Variants in PIGU observed in about 807,000 individuals in gnomAD.
The protein encoded by PIGU is phosphatidylinositol glycan anchor biosynthesis class U.
In PIGU, 24 loss-of-function variants were observed where a neutral mutation model predicts 49.9. The observed-to-expected ratio is 0.48, with a 90% CI of 0.35 to 0.68. The LOEUF (loss-of-function observed/expected upper bound fraction) is 0.68. Among genes scored for constraint, PIGU ranks in the 30% least tolerant of loss-of-function variants. The probability of loss-of-function intolerance (pLI) is 0.01; values close to 1 mark genes in which losing one functional copy is unlikely to be tolerated. For synonymous variants in PIGU, 220 were observed against 205.7 expected (o/e 1.07, Z -0.59); for missense variants, 490 against 532.6 (o/e 0.92, Z 0.79).
chr20:34,572,874 C>T (rs1440835616), intron 11 of PIGU, among the ~76,000 whole-genome samples: 3 of 152,192 alleles, frequency 2.0e-5, no homozygotes, highest in Non-Finnish European at 4.4e-5. Flanking sequence ...TCTTTATGTA[C>T]CTGTGTCTAT....
intron 1 of PIGU, among the ~76,000 whole-genome samples, chr20:34,661,100 T>C (rs1211934954): frequency 6.6e-6 from 1 of 152,184 alleles, no homozygotes. Flanking sequence ...CCATAAAATA[T>C]TCTTAAATGA....
Position 34,650,468 on chromosome 20 carries a change from A to G in PIGU, c.196-5134T>C, listed in dbSNP as rs887776369. Among the ~76,000 whole-genome samples, 10 of 151,790 alleles carry G rather than the reference A, an allele frequency of 6.6e-5. No homozygotes were observed. The South Asian group carries it at 2.1e-3, about 32-fold the overall frequency. ...GTATTTTTGGTAGATACAGGGTTTC[A>G]CCATGTTGGCCAGGCTGGTTGAATT... is the stretch of plus-strand genomic sequence containing the variant. On this transcript the variant is annotated intron_variant, in intron 2 of 11. Coordinates refer to ENST00000217446, the MANE Select transcript of PIGU (RefSeq NM_080476.5).
intron 1 of PIGU, among the ~76,000 whole-genome samples, chr20:34,659,412 G>A (rs1232074406): frequency 6.6e-5 from 6 of 90,840 alleles, no homozygotes; most frequent in South Asian, 3.4e-4. Flanking sequence ...CCAGCCGCCC[G>A]GTCCGGGAGG....
intron 6 of PIGU, among the ~76,000 whole-genome samples, chr20:34,631,295 T>C (rs577980134): frequency 1.3e-5 from 2 of 151,758 alleles, no homozygotes; most frequent in South Asian, 4.2e-4. Flanking sequence ...GGAAAAACAA[T>C]AGAAAATAAA....
At chr20:34,565,663 C>A (rs1982716387) in intron 11 of PIGU, among the ~76,000 whole-genome samples, 1 of 151,976 alleles carries the variant, frequency 6.6e-6, no homozygotes, top group African/African-American at 2.4e-5. Context: ...CTTGCCAATC[C>A]CCTTCTCAGA....
At chr20:34,570,606 G>T (rs541153467) in intron 11 of PIGU, among the ~76,000 whole-genome samples, 31 of 152,148 alleles carry the variant, frequency 2.0e-4, no homozygotes, top group African/African-American at 7.2e-4. Flanking sequence ...GTAGAGACGG[G>T]GTTTCACCGT....
At chr20:34,647,116 C>T (rs1158990235) in intron 2 of PIGU, among the ~76,000 whole-genome samples, 1 of 152,196 alleles carries the variant, frequency 6.6e-6, no homozygotes, top group Admixed American at 6.5e-5. Context: ...GATTCTCCTG[C>T]CTCAGCCACC....
chr20:34,571,265 T>C (rs1441109615), intron 11 of PIGU, among the ~76,000 whole-genome samples: 1 of 152,190 alleles, frequency 6.6e-6, no homozygotes, highest in Non-Finnish European at 1.5e-5. Flanking sequence ...AAATGAACCA[T>C]GCCACAGGCA....
intron 7 of PIGU, among the ~76,000 whole-genome samples, chr20:34,600,338 C>T (rs1344260569): frequency 2.0e-5 from 3 of 150,664 alleles, no homozygotes; most frequent in Non-Finnish European, 4.4e-5. Context: ...ACCTGGGAGG[C>T]GGAGGTTGCA....
At position 34,611,473 on chromosome 20, in the gene PIGU, C is replaced by T. The variant is rs974986908; in HGVS notation, c.627+4569G>A. Among the ~76,000 whole-genome samples, 7 of 151,756 alleles carry T rather than the reference C, an allele frequency of 4.6e-5. No individual in the cohort carries two copies. In the East Asian group the frequency reaches 7.8e-4, roughly 17 times the overall value. ...CATCCTGGCTAACATGGTGAAACCC[C>T]GTCTCTACTAAAAATACAAAAAATG... On this transcript the variant is annotated intron_variant, in intron 7 of 11. Coordinates refer to ENST00000217446, the MANE Select transcript of PIGU (RefSeq NM_080476.5).
Position 34,676,949 on chromosome 20 carries a change from G to A in PIGU, c.130+7C>T. 1.3e-6 allele frequency: 2 copies of A among 1,566,950 alleles called. No individual in the cohort carries two copies. The highest frequency in any genetic ancestry group is 1.7e-6 in the Non-Finnish European group (2 of 1,156,898). Reference sequence around the variant, plus strand: ...GCCTGACAGTCTGCTCGAGCCAGTGGCCTCACCTCTCTTCCAAGAGCTCAG... The same window carrying A: ...GCCTGACAGTCTGCTCGAGCCAGTGACCTCACCTCTCTTCCAAGAGCTCAG... On this transcript the variant is annotated splice_region_variant and intron_variant, in intron 1 of 11. Transcript: ENST00000217446.
intron 6 of PIGU, among the ~76,000 whole-genome samples, chr20:34,626,373 G>T (rs1370812267): frequency 6.7e-6 from 1 of 149,256 alleles, no homozygotes; most frequent in Non-Finnish European, 1.5e-5. Context: ...CGTGATCTCG[G>T]CTCACTGCAA....
chr20:34,619,520 G>T (rs982063277), intron 6 of PIGU, among the ~76,000 whole-genome samples: 1 of 152,316 alleles, frequency 6.6e-6, no homozygotes, highest in African/African-American at 2.4e-5. Flanking sequence ...GGCGAGAGAA[G>T]AGGCCCATGT....
chr20:34,594,726 AT>A (rs1341091685), intron 7 of PIGU, among the ~76,000 whole-genome samples: 2 of 151,968 alleles, frequency 1.3e-5, no homozygotes, highest in Non-Finnish European at 2.9e-5. Flanking sequence ...GTGAGCCAAG[AT>A]CGTGCTATTG....
chr20:34,639,536 G>A (rs974280215), intron 4 of PIGU, among the ~76,000 whole-genome samples: 2 of 149,984 alleles, frequency 1.3e-5, no homozygotes, highest in African/African-American at 2.4e-5. Context: ...ATGAAAGTAT[G>A]AGAGAGAGAG....
intron 1 of PIGU, among the ~76,000 whole-genome samples, chr20:34,659,305 G>A (rs1600667922): frequency 1.4e-5 from 2 of 140,118 alleles, no homozygotes; most frequent in African/African-American, 2.7e-5. Flanking sequence ...GGAGGTGGGG[G>A]GGTCAGCCCC....
At chr20:34,602,821 C>T (rs1290296704) in intron 7 of PIGU, among the ~76,000 whole-genome samples, 1 of 152,172 alleles carries the variant, frequency 6.6e-6, no homozygotes, top group Non-Finnish European at 1.5e-5. Context: ...CAAGTTCCTC[C>T]ATGTTCCCTG....
chr20:34,670,192 CTTTT>C (rs11476375), intron 1 of PIGU, among the ~76,000 whole-genome samples: 1 of 137,432 alleles, frequency 7.3e-6, no homozygotes, highest in Non-Finnish European at 1.6e-5. Flanking sequence ...GTAATAACGG[CTTTT>C]TTTTTTTTTT....
chr20:34,656,763 CAAA>C (rs66812401), intron 2 of PIGU, among the ~76,000 whole-genome samples: 2 of 98,828 alleles, frequency 2.0e-5, no homozygotes, highest in Admixed American at 9.7e-5. Flanking sequence ...AAGACCCTGC[CAAA>C]AAAAAAAAAA....
Sources: allele counts gnomAD v4.1 joint callset (sites outside exome capture counted in the v4.1 genomes callset), GRCh38; gene constraint gnomAD v4.1.1; transcripts MANE v1.5; gene names NCBI Gene and HGNC (gene_info 2026-07-23, HGNC 2026-07-21).